The following CPNE4 variants were observed in gnomAD, a reference collection of about 807,000 sequenced individuals.
CPNE4 encodes copine 4.
CPNE4 carries 25 observed loss-of-function variants against 67.9 expected under a neutral mutation model. The observed-to-expected ratio is 0.37, with a 90% CI of 0.27 to 0.51. The LOEUF is 0.51. Among genes scored for constraint, CPNE4 ranks in the 20% least tolerant of loss-of-function variants. The pLI is 0.93. For synonymous variants in CPNE4, 242 were observed against 244.9 expected (o/e 0.99, Z 0.11); for missense variants, 464 against 690.8 (o/e 0.67, Z 3.68).
chr3:131,761,911 C>T (rs888470650), intron 2 of CPNE4, among the ~76,000 whole-genome samples: 2 of 151,968 alleles, frequency 1.3e-5, no homozygotes, highest in African/African-American at 4.8e-5. Flanking sequence ...CTCAAATGAA[C>T]AATCAGGAGG....
chr3:131,743,788 C>T (rs13075122), intron 2 of CPNE4, among the ~76,000 whole-genome samples: 2 of 150,802 alleles, frequency 1.3e-5, no homozygotes, highest in African/African-American at 4.9e-5. Flanking sequence ...ACGGTGAAAC[C>T]CCGTCTCTAC....
intron 7 of CPNE4, among the ~76,000 whole-genome samples, chr3:131,603,841 G>A (rs181183788): frequency 5.8e-4 from 88 of 152,248 alleles, no homozygotes; most frequent in Non-Finnish European, 1.0e-3. Context: ...AGTTGAAGAA[G>A]CATTGGTCAG....
intron 7 of CPNE4, among the ~76,000 whole-genome samples, chr3:131,664,528 A>G (rs907098431): frequency 1.3e-5 from 2 of 152,178 alleles, no homozygotes; most frequent in African/African-American, 2.4e-5. Flanking sequence ...CATATAGACA[A>G]ATCTTCTGTT....
chr3:131,801,372 CA>C (rs2084102721), intron 2 of CPNE4, among the ~76,000 whole-genome samples: 2 of 86,212 alleles, frequency 2.3e-5, no homozygotes, highest in Non-Finnish European at 4.6e-5. Flanking sequence ...ATATATGTAC[CA>C]TATATATATA....
At chr3:131,978,183 AT>A (rs1352289291) in intron 1 of CPNE4, among the ~76,000 whole-genome samples, 3 of 61,656 alleles carry the variant, frequency 4.9e-5, no homozygotes, top group Non-Finnish European at 7.6e-5. Context: ...GTAAATATAT[AT>A]AATATATTTA....
intron 2 of CPNE4, among the ~76,000 whole-genome samples, chr3:131,821,526 A>AT (rs1679329246): frequency 1.3e-5 from 2 of 151,568 alleles, no homozygotes; most frequent in African/African-American, 2.4e-5. Flanking sequence ...TGGAGAAAAT[A>AT]TTTTTTCAGA....
At chr3:131,992,812 T>G (rs1241433683) in intron 1 of CPNE4, among the ~76,000 whole-genome samples, 1 of 135,762 alleles carries the variant, frequency 7.4e-6, no homozygotes, top group Admixed American at 8.3e-5. Context: ...GCCATTCTAG[T>G]GATAGTGAGT....
intron 2 of CPNE4, among the ~76,000 whole-genome samples, chr3:131,789,998 C>T (rs1274335369): frequency 2.6e-5 from 4 of 152,136 alleles, no homozygotes; most frequent in Non-Finnish European, 2.9e-5. Flanking sequence ...CTAACCACCT[C>T]CCCTTGTCAG....
intron 2 of CPNE4, among the ~76,000 whole-genome samples, chr3:131,874,443 G>A (rs1246424041): frequency 6.6e-6 from 1 of 152,166 alleles, no homozygotes; most frequent in Non-Finnish European, 1.5e-5. Flanking sequence ...CAGGCACTGG[G>A]CCAAACACGA....
At chr3:131,907,659 A>G (rs2088825794) in intron 1 of CPNE4, among the ~76,000 whole-genome samples, 1 of 152,150 alleles carries the variant, frequency 6.6e-6, no homozygotes, top group Admixed American at 6.6e-5. Flanking sequence ...TTATTCATTT[A>G]TATATTTATG....
intron 7 of CPNE4, among the ~76,000 whole-genome samples, chr3:131,603,995 T>G (rs1424832066): frequency 2.0e-5 from 3 of 152,316 alleles, no homozygotes; most frequent in Non-Finnish European, 4.4e-5. Context: ...GATTTACCTT[T>G]TCTTTACTGG....
intron 7 of CPNE4, among the ~76,000 whole-genome samples, chr3:131,592,617 G>A (rs62283172): frequency 0.019 from 2,888 of 149,038 alleles, 40 homozygotes; most frequent in Non-Finnish European, 0.031. Flanking sequence ...ACATATATAT[G>A]TGTGTGTATA....
intron 1 of CPNE4, among the ~76,000 whole-genome samples, chr3:132,000,222 A>G (rs2073396646): frequency 6.6e-6 from 1 of 152,026 alleles, no homozygotes; most frequent in African/African-American, 2.4e-5. Context: ...TGTCAAGAAT[A>G]ATGCTGAATG....
chr3:131,586,726 A>ATCTATCTATCTATCTGTCTG (rs1333232108), intron 8 of CPNE4, among the ~76,000 whole-genome samples: 21 of 129,598 alleles, frequency 1.6e-4, no homozygotes, highest in African/African-American at 7.9e-4. Flanking sequence ...TTCTATCTCT[A>ATCTATCTATCTATCTGTCTG]TCTGTCTGTC....
At chr3:131,568,453 T>G (rs554017941) in intron 10 of CPNE4, among the ~76,000 whole-genome samples, 1 of 151,986 alleles carries the variant, frequency 6.6e-6, no homozygotes. Context: ...TGGCTACTGA[T>G]GCCTGGTTTT....
chr3:131,758,213 C>CAGA (rs1560252487), intron 2 of CPNE4, among the ~76,000 whole-genome samples: 5 of 152,156 alleles, frequency 3.3e-5, no homozygotes, highest in Admixed American at 1.3e-4. Context: ...ACACTCAATG[C>CAGA]CAGCCCATGA....
In CPNE4 at chr3:131,888,317, A is replaced by T. The variant is rs543894532; in HGVS notation, c.180+16947T>A. ...CAGTTTGAAAAGACCAACATTGATC[A>T]AAGTAGGGGAAAAGGTAACAAAATT... is the stretch of plus-strand genomic sequence containing the variant. On this transcript the variant is annotated intron_variant, in intron 2 of 15. Coordinates refer to ENST00000429747, the MANE Select transcript of CPNE4 (RefSeq NM_130808.3). 5.3e-5 allele frequency among the ~76,000 whole-genome samples: 8 copies of T among 152,282 alleles called. No homozygotes were observed. In the South Asian group the frequency reaches 1.7e-3, roughly 32 times the overall value.
intron 2 of CPNE4, among the ~76,000 whole-genome samples, chr3:131,769,667 C>T (rs1299064449): frequency 6.6e-6 from 1 of 152,038 alleles, no homozygotes; most frequent in East Asian, 1.9e-4. Context: ...TTCTTCATTC[C>T]TATTTGCTTA....
Position 131,861,145 on chromosome 3 carries a change from G to A in CPNE4, c.180+44119C>T, listed in dbSNP as rs535398693. On this transcript the variant is annotated intron_variant, in intron 2 of 15. Coordinates refer to ENST00000429747, the MANE Select transcript of CPNE4 (RefSeq NM_130808.3). ...CACATATTTGGAGTCAGTAGTGATTGTCAAACATTCCTTATTGAAGACATT... is the reference window on the plus strand; with the variant it reads ...CACATATTTGGAGTCAGTAGTGATTATCAAACATTCCTTATTGAAGACATT... Among the ~76,000 whole-genome samples the A allele has an allele frequency of 9.9e-5, 15 of 152,284 alleles. No homozygotes were observed. The South Asian group carries it at 2.9e-3, about 29-fold the overall frequency.
Sources: gnomAD v4.1 joint callset for allele counts (sites outside exome capture counted in the v4.1 genomes callset) on GRCh38, gnomAD v4.1.1 for gene constraint, MANE v1.5 for transcripts, NCBI Gene and HGNC (gene_info 2026-07-23, HGNC 2026-07-21) for gene names.